The following PKHD1L1 variants were observed in gnomAD, a reference collection of about 807,000 sequenced individuals.
The protein encoded by PKHD1L1 is fibrocystin-L.
Under a neutral mutation model 462.9 loss-of-function variants are expected in PKHD1L1, and 434 were observed. The ratio of observed to expected loss-of-function variants is 0.94; its 90% CI spans 0.87 to 1.02. The LOEUF (loss-of-function observed/expected upper bound fraction) is 1.02, where lower values mean the gene tolerates loss of function less well. Ranked by LOEUF, PKHD1L1 falls within the 50% of genes least tolerant of loss-of-function variation. The probability of loss-of-function intolerance (pLI) is 0.00; values close to 1 mark genes in which losing one functional copy is unlikely to be tolerated. For missense variants in PKHD1L1, 5,202 were observed against 5,096.1 expected, an observed-to-expected ratio of 1.02 and a Z score of -0.63; for synonymous variants, 1,781 against 1,750.0, an observed-to-expected ratio of 1.02 and a Z score of -0.44.
chr8:109,396,220 C>A, intron 11 of PKHD1L1, 83 bp downstream of exon 11: 1 of 949,636 alleles, frequency 1.1e-6, no homozygotes. Context: ...TAATAATAGT[C>A]TTTTCTCAAC....
At chr8:109,428,513 A>G (rs1277088858) in intron 25 of PKHD1L1, among the ~76,000 whole-genome samples, 2 of 152,188 alleles carry the variant, frequency 1.3e-5, no homozygotes, top group Non-Finnish European at 2.9e-5. Context: ...ACAAGTCTGT[A>G]TGGTTGTGCA....
chr8:109,465,205 A>T lies in PKHD1L1; in HGVS notation c.8373A>T (p.Glu2791Asp), dbSNP rs765063155. Residue 2791 changes from glutamate (E) to aspartate (D), a missense_variant, in exon 49 of 78, where the codon GAA (glutamate) becomes GAT (aspartate). This residue lies in a region of PKHD1L1 where 4,497 missense variants were observed against 4,336.8 expected (regional missense o/e 1.04). Coordinates refer to ENST00000378402, the MANE Select transcript of PKHD1L1 (RefSeq NM_177531.6). ...CGAACAAGGCTGGCTTTCGCTGGGA[A>T]CATGAAATGGTAATGATTGATGTTG... ...HTPNKAGFRW[E>D]HEMVMIDVDG... 9 of 1,613,518 alleles carry T rather than the reference A, an allele frequency of 5.6e-6. No individual in the cohort carries two copies. Among genetic ancestry groups the T allele is most frequent in the Middle Eastern group, 1.6e-4 (1 of 6,078 alleles).
chr8:109,407,042 A>G (rs1813594217), intron 17 of PKHD1L1, among the ~76,000 whole-genome samples: 2 of 152,180 alleles, frequency 1.3e-5, no homozygotes, highest in African/African-American at 4.8e-5. Flanking sequence ...TGTTTTACAC[A>G]AAACACTTTT....
chr8:109,476,226 T>C (rs905213610), intron 51 of PKHD1L1, among the ~76,000 whole-genome samples: 5 of 151,898 alleles, frequency 3.3e-5, no homozygotes, highest in African/African-American at 9.7e-5. Flanking sequence ...TATATATATA[T>C]ACTATACATG....
chr8:109,467,721 A>C (rs913101637), intron 50 of PKHD1L1, among the ~76,000 whole-genome samples: 1 of 152,184 alleles, frequency 6.6e-6, no homozygotes, highest in Non-Finnish European at 1.5e-5. Context: ...TACTGTTCTG[A>C]GGGACTGCAG....
At chr8:109,385,771 A>C in intron 6 of PKHD1L1, 141 bp downstream of exon 6, 1 of 524,792 alleles carries the variant, frequency 1.9e-6, no homozygotes. Context: ...ATATTATAGA[A>C]AGTAAAACAG....
intron 2 of PKHD1L1, among the ~76,000 whole-genome samples, chr8:109,372,786 T>C (rs2130351840): frequency 6.6e-6 from 1 of 152,350 alleles, no homozygotes; most frequent in South Asian, 2.1e-4. Context: ...TCTTTGGTTC[T>C]GTTTATATGC....
Position 109,485,171 on chromosome 8 carries a change from T to C in PKHD1L1, c.9704T>C (p.Phe3235Ser). Residue 3235 changes from phenylalanine (F) to serine (S), a missense_variant and splice_region_variant, in exon 58 of 78, where the codon TTT becomes TCT. Phe to Ser is a radical substitution (Grantham distance 155, BLOSUM62 -2). Around this residue, in one of 3 missense-constraint regions of PKHD1L1, gnomAD observed 4,497 missense variants for 4,336.8 expected, o/e 1.04. Transcript: ENST00000378402. ...ILNDSLSYTHFAEKYHVPGTG... is the reference protein window; with the variant it reads ...ILNDSLSYTHSAEKYHVPGTG... ...AATGATAGCCTTTCCTATACTCACT[T>C]TGGTAAGTGGATGCTTTTTAACCAA... is the stretch of plus-strand genomic sequence containing the variant. 1 of 1,569,016 alleles carries C rather than the reference T, an allele frequency of 6.4e-7. No homozygotes were observed. The highest frequency in any genetic ancestry group is 8.6e-7 in the Non-Finnish European group (1 of 1,156,954).
In PKHD1L1 at chr8:109,452,145, T is replaced by C. The variant is rs1299406308; in HGVS notation, c.6372T>C (p.His2124=). 1.2e-6 allele frequency: 2 copies of C among 1,611,044 alleles called. No individual in the cohort carries two copies. Among genetic ancestry groups the C allele is most frequent in the Non-Finnish European group, 1.7e-6 (2 of 1,178,766 alleles). ...ACAGTGAAAATATGGAGGATGTTCA[T>C]ATCACCATAGCTGAAGCCAAATGTG... The part of the protein sequence containing the change: ...SGFSENMEDV[H]ITIAEAKCDV... Residue 2124 remains histidine (H), a synonymous_variant, in exon 42 of 78, where the codon CAT becomes CAC. Transcript: ENST00000378402.
rs895524595 is a variant in PKHD1L1, at chr8:109,362,488, G to C, written c.-93G>C. On this transcript the variant is annotated 5_prime_UTR_variant, in exon 1 of 78. Transcript: ENST00000378402. ...TCCCCAGCTCTCCCGGGACGAAGCG[G>C]GCCCGCCAGCGAGTCGCAGTCCCAG... 51 of 1,283,906 alleles carry C rather than the reference G, an allele frequency of 4.0e-5. No individual in the cohort carries two copies. In the East Asian group the frequency reaches 4.3e-4, roughly 11 times the overall value. The allele number at this position is 1,283,906 out of a possible 1,614,324, so 79.5% of individuals were successfully genotyped here.
intron 33 of PKHD1L1, 66 bp from the exon 34 acceptor site, chr8:109,441,209 A>T (rs941908309): frequency 1.8e-6 from 2 of 1,129,346 alleles, no homozygotes; most frequent in African/African-American, 3.2e-5. Flanking sequence ...TCATCTCTAT[A>T]ATTCACAAAA....
At chr8:109,501,304 A>G (rs566280250) in intron 67 of PKHD1L1, among the ~76,000 whole-genome samples, 1 of 152,180 alleles carries the variant, frequency 6.6e-6, no homozygotes, top group South Asian at 2.1e-4. Context: ...CCATTGTCTT[A>G]TGCTCACCCC....
In PKHD1L1 at chr8:109,494,224, G is replaced by A. The variant is rs535603115; in HGVS notation, c.10327+473G>A. Among the ~76,000 whole-genome samples the A allele has an allele frequency of 3.7e-4, 57 of 152,018 alleles. 1 individual carries two copies. In the South Asian group the frequency reaches 0.011, roughly 29 times the overall value. Reference sequence around the variant, plus strand: ...TCTATATTGGATTAGTAAAAATTAAGAGGTAACTGAGCATCTACTCTTTTG... The same window carrying A: ...TCTATATTGGATTAGTAAAAATTAAAAGGTAACTGAGCATCTACTCTTTTG... On this transcript the variant is annotated intron_variant, in intron 63 of 77. Transcript: ENST00000378402.
At chr8:109,499,516 C>T (rs1284278662) in intron 67 of PKHD1L1, among the ~76,000 whole-genome samples, 1 of 151,484 alleles carries the variant, frequency 6.6e-6, no homozygotes, top group African/African-American at 2.5e-5. Context: ...TAACATGCTA[C>T]ATAGGTTGTA....
chr8:109,525,159 G>T (rs1390734569), intron 76 of PKHD1L1, among the ~76,000 whole-genome samples: 1 of 152,044 alleles, frequency 6.6e-6, no homozygotes, highest in Non-Finnish European at 1.5e-5. Context: ...ATCAGACTGC[G>T]GCCTGACAGC....
intron 33 of PKHD1L1, 117 bp downstream of exon 33, chr8:109,440,969 TA>T (rs1162972537): frequency 5.6e-6 from 7 of 1,258,700 alleles, no homozygotes; most frequent in Non-Finnish European, 7.6e-6. Context: ...TCTAGTAGCA[TA>T]AAAAAGGTAA....
At chr8:109,369,673 G>A (rs1245110132) in intron 2 of PKHD1L1, among the ~76,000 whole-genome samples, 2 of 151,760 alleles carry the variant, frequency 1.3e-5, no homozygotes, top group African/African-American at 2.4e-5. Context: ...CACACCACAA[G>A]TAAAACTTTC....
intron 71 of PKHD1L1, among the ~76,000 whole-genome samples, chr8:109,513,704 G>A (rs888445290): frequency 4.6e-5 from 7 of 152,022 alleles, no homozygotes; most frequent in South Asian, 2.1e-4. Context: ...CCATCCCTTC[G>A]CTCCAGACAA....
chr8:109,439,954 A>T (rs17446406), intron 32 of PKHD1L1, among the ~76,000 whole-genome samples: 2 of 151,930 alleles, frequency 1.3e-5, no homozygotes. Flanking sequence ...CAGAGCTCAC[A>T]TGGATTCTAT....
Sources: allele counts gnomAD v4.1 joint callset (sites outside exome capture counted in the v4.1 genomes callset), GRCh38; gene constraint gnomAD v4.1.1; regional missense constraint gnomAD v4.1.1; transcripts MANE v1.5; gene names NCBI Gene and HGNC (gene_info 2026-07-23, HGNC 2026-07-21).